Variants in ACSM2A observed in about 807,000 individuals in gnomAD.
ACSM2A encodes acyl-CoA synthetase medium chain family member 2A.
Under a neutral mutation model 76.6 loss-of-function variants are expected in ACSM2A, and 72 were observed. That is an observed-to-expected ratio of 0.94 (90% confidence interval 0.78 to 1.14). The LOEUF (loss-of-function observed/expected upper bound fraction) is 1.14, where lower values mean the gene tolerates loss of function less well. Among genes scored for constraint, ACSM2A ranks in the 50% most tolerant of loss-of-function variants. ACSM2A has a pLI of 0.00. For missense variants in ACSM2A, 684 were observed against 708.5 expected, an observed-to-expected ratio of 0.97 and a Z score of 0.39; for synonymous variants, 249 against 255.9, an observed-to-expected ratio of 0.97 and a Z score of 0.26.
At chr16:20,461,754 A>G (rs1232845659) in intron 2 of ACSM2A, among the ~76,000 whole-genome samples, 1 of 152,168 alleles carries the variant, frequency 6.6e-6, no homozygotes, top group African/African-American at 2.4e-5. Flanking sequence ...TGCTGAAATA[A>G]CTTTTATGCA....
intron 1 of ACSM2A, among the ~76,000 whole-genome samples, chr16:20,454,516 A>G (rs2012003709): frequency 6.6e-6 from 1 of 151,904 alleles, no homozygotes; most frequent in African/African-American, 2.4e-5. Flanking sequence ...GGCAATAGTG[A>G]TGGCCTCCCC....
At chr16:20,455,108 A>T (rs1015054671) in intron 1 of ACSM2A, among the ~76,000 whole-genome samples, 2 of 148,594 alleles carry the variant, frequency 1.3e-5, no homozygotes, top group Admixed American at 6.8e-5. Flanking sequence ...AAGAAAAAAA[A>T]AATTTTCAAT....
chr16:20,477,453 T>A lies in ACSM2A; in HGVS notation c.1179+4T>A. Reference sequence around the variant, plus strand: ...TGCTTCCTGTTATGATGTACAGGTTTGCTCGGGACACTGAGGAGGGAGGAA... The same window carrying A: ...TGCTTCCTGTTATGATGTACAGGTTAGCTCGGGACACTGAGGAGGGAGGAA... On this transcript the variant is annotated splice_donor_region_variant and intron_variant, in intron 9 of 13. Coordinates refer to ENST00000573854, the MANE Select transcript of ACSM2A (RefSeq NM_001308172.2). 1 of 1,595,928 alleles carries A rather than the reference T, an allele frequency of 6.3e-7. No homozygotes were observed. The highest frequency in any genetic ancestry group is 1.3e-5 in the African/African-American group (1 of 74,318).
intron 3 of ACSM2A, among the ~76,000 whole-genome samples, chr16:20,467,927 G>A (rs906558782): frequency 5.3e-5 from 8 of 151,916 alleles, no homozygotes; most frequent in African/African-American, 1.7e-4. Context: ...ACCTCTGCTT[G>A]CACACAGCCT....
chr16:20,477,554 T>C, intron 9 of ACSM2A, 105 bp downstream of exon 9: 1 of 1,441,314 alleles, frequency 6.9e-7, no homozygotes, highest in Non-Finnish European at 9.2e-7. Flanking sequence ...AAAGTACTGA[T>C]ATTAAGATAA....
At chr16:20,452,015 A>G (rs2011783892) in intron 1 of ACSM2A, 1 of 151,250 alleles carries the variant, frequency 6.6e-6, no homozygotes, top group Admixed American at 6.6e-5. Context: ...GAGAGGGACC[A>G]GCAGGTACAA....
chr16:20,454,597 C>T (rs1486770135), intron 1 of ACSM2A, among the ~76,000 whole-genome samples: 1 of 151,776 alleles, frequency 6.6e-6, no homozygotes, highest in East Asian at 2.0e-4. Context: ...AGCCACATCC[C>T]TAGGAAAAGG....
intron 2 of ACSM2A, among the ~76,000 whole-genome samples, chr16:20,464,826 A>G (rs1005798233): frequency 2.6e-5 from 4 of 152,164 alleles, no homozygotes; most frequent in African/African-American, 7.2e-5. Flanking sequence ...CAGAGTTTTC[A>G]TTTTGGATGA....
At chr16:20,453,242 G>A (rs1177566076) in intron 1 of ACSM2A, 7 of 151,988 alleles carry the variant, frequency 4.6e-5, no homozygotes, top group Non-Finnish European at 1.0e-4. Context: ...TTGTTTTGCA[G>A]GAAGTCAGGG....
At position 20,486,916 on chromosome 16, in the gene ACSM2A, AG is replaced by A; in HGVS notation, c.*241del. On this transcript the variant is annotated 3_prime_UTR_variant, in exon 14 of 14. Transcript: ENST00000573854. ...GAAAAAAAGGAAAGAAAAGTAAGTC[AG>A]GGAAATATTAAAACTGCAAGGGAAA... 1 of 432,742 alleles carries A rather than the reference AG, an allele frequency of 2.3e-6. No homozygotes were observed. The highest frequency in any genetic ancestry group is 4.0e-6 in the Non-Finnish European group (1 of 247,738). The allele number at this position is 432,742 out of a possible 1,614,324, so 26.8% of individuals were successfully genotyped here. A position where few individuals can be genotyped will look rare whatever the true frequency, so the allele number is the denominator to read the frequency against.
intron 1 of ACSM2A, among the ~76,000 whole-genome samples, chr16:20,454,748 G>A (rs1010540710): frequency 6.6e-6 from 1 of 151,740 alleles, no homozygotes; most frequent in African/African-American, 2.4e-5. Context: ...GACAAAACAA[G>A]GCTGTTTAAC....
intron 8 of ACSM2A, chr16:20,477,089 T>C (rs1407113012): frequency 3.8e-5 from 15 of 392,882 alleles, no homozygotes; most frequent in South Asian, 1.0e-4. Context: ...TAGTGTCGTA[T>C]TAAAATGTGG....
chr16:20,474,094 T>A (rs1045259233), intron 6 of ACSM2A: 3 of 446,866 alleles, frequency 6.7e-6, no homozygotes, highest in Admixed American at 2.4e-5. Flanking sequence ...TGATGTCTTA[T>A]GTCTCCCTAA....
intron 12 of ACSM2A, chr16:20,481,472 A>G (rs2014077986): frequency 6.6e-6 from 1 of 152,178 alleles, no homozygotes; most frequent in Non-Finnish European, 1.4e-5. Flanking sequence ...CCAGGCACAG[A>G]AAATAAATAT....
rs531975924 is a variant in ACSM2A at position 20,480,699 on chromosome 16, G to A, written c.1408G>A (p.Gly470Arg). ...GGCAAATGATATCATTAACTCCAGC[G>A]GGTGAGCTTGGTTTCTGGGTTGGGA... is the stretch of plus-strand genomic sequence containing the variant. ...GRANDIINSS[G>R]YRIGPSEVEN... Residue 470 changes from glycine (G) to arginine (R), a missense_variant and splice_region_variant, in exon 11 of 14, where the codon GGG (glycine) becomes AGG (arginine). By Grantham distance (125) the Gly-to-Arg change is moderately radical. Coordinates refer to ENST00000573854, the MANE Select transcript of ACSM2A (RefSeq NM_001308172.2). The A allele has an allele frequency of 3.2e-5, 51 of 1,571,296 alleles. 1 individual carries two copies. The highest frequency in any genetic ancestry group is 1.6e-4 in the East Asian group (7 of 44,552).
intron 1 of ACSM2A, among the ~76,000 whole-genome samples, chr16:20,454,768 C>G (rs1260340737): frequency 6.6e-6 from 1 of 151,598 alleles, no homozygotes; most frequent in South Asian, 2.1e-4. Context: ...CACCTCCCCC[C>G]AAAAATCACA....
At chr16:20,469,872 A>ATTTTT (rs35674523) in intron 4 of ACSM2A, among the ~76,000 whole-genome samples, 153 bp downstream of exon 4, 1 of 67,746 alleles carries the variant, frequency 1.5e-5, no homozygotes, top group Non-Finnish European at 2.7e-5. Context: ...ACACAAGGGT[A>ATTTTT]TTTTTTTTTT....
At chr16:20,468,089 G>A (rs1431753586) in intron 3 of ACSM2A, among the ~76,000 whole-genome samples, 1 of 152,088 alleles carries the variant, frequency 6.6e-6, no homozygotes, top group Admixed American at 6.6e-5. Flanking sequence ...GGAAGCCTGT[G>A]GAAAGAGAGA....
At chr16:20,476,561 A>C (rs2013749041) in intron 8 of ACSM2A, 27 of 985,316 alleles carry the variant, frequency 2.7e-5, no homozygotes, top group Non-Finnish European at 3.0e-5. Flanking sequence ...ATACCCTGGC[A>C]GGGGCCTCCC....
Sources: allele counts gnomAD v4.1 joint callset (sites outside exome capture counted in the v4.1 genomes callset), GRCh38; gene constraint gnomAD v4.1.1; transcripts MANE v1.5; gene names NCBI Gene and HGNC (gene_info 2026-07-23, HGNC 2026-07-21).